The following RAI14 variants were observed in gnomAD, a reference collection of about 807,000 sequenced individuals.
RAI14 encodes ankycorbin.
RAI14 carries 45 observed loss-of-function variants against 115.4 expected under a neutral mutation model. The observed-to-expected ratio is 0.39, with a 90% CI of 0.31 to 0.50. The LOEUF (loss-of-function observed/expected upper bound fraction) is 0.50. RAI14 is among the 20% of genes least tolerant of loss of function. The pLI is 0.85. For missense variants in RAI14, 939 were observed against 1,131.2 expected (o/e 0.83, Z 2.44); for synonymous variants, 371 against 415.4 (o/e 0.89, Z 1.30).
intron 3 of RAI14, among the ~76,000 whole-genome samples, chr5:34,763,946 G>T (rs901765625): frequency 6.6e-6 from 1 of 152,076 alleles, no homozygotes; most frequent in African/African-American, 2.4e-5. Context: ...CTGCTTCCTG[G>T]GTTCAAACTG....
intron 2 of RAI14, among the ~76,000 whole-genome samples, chr5:34,754,529 C>CGGGG (rs1561315315): frequency 7.8e-4 from 113 of 145,556 alleles, no homozygotes; most frequent in Middle Eastern, 3.5e-3. Flanking sequence ...CGCCCAGGCT[C>CGGGG]TTACCTTCCC....
chr5:34,824,903 C>T (rs1052297135), intron 15 of RAI14, among the ~76,000 whole-genome samples: 1 of 147,226 alleles, frequency 6.8e-6, no homozygotes, highest in Non-Finnish European at 1.5e-5. Context: ...AAGATCAGGC[C>T]ACTGCACTCC....
chr5:34,683,447 A>G (rs909885685), intron 1 of RAI14, among the ~76,000 whole-genome samples: 1 of 151,678 alleles, frequency 6.6e-6, no homozygotes. Context: ...AAAAAAAAAG[A>G]AAAGCCAAAG....
At position 34,716,152 on chromosome 5, in the gene RAI14, C is replaced by T. The variant is rs547398168; in HGVS notation, c.36+29197C>T. The T allele has an allele frequency of 8.4e-5, 35 of 416,714 alleles. No homozygotes were observed. In the East Asian group the frequency reaches 1.0e-3, roughly 12 times the overall value. 25.8% of individuals were successfully genotyped at this position (416,714 alleles called of 1,614,324 possible). On this transcript the variant is annotated intron_variant, in intron 2 of 17. Transcript: ENST00000265109. ...AAGACAAGGCAAATAGGCAAATATT[C>T]GGTATTATAAAAAATGCACAGATTT...
intron 2 of RAI14, among the ~76,000 whole-genome samples, chr5:34,756,552 G>A (rs527379320): frequency 2.0e-5 from 3 of 152,192 alleles, no homozygotes; most frequent in Admixed American, 1.3e-4. Context: ...CCTCTGATAT[G>A]CTCAACATCT....
intron 2 of RAI14, among the ~76,000 whole-genome samples, chr5:34,756,478 T>C (rs889483581): frequency 2.6e-5 from 4 of 152,214 alleles, no homozygotes; most frequent in Non-Finnish European, 5.9e-5. Context: ...GAAAGTGGGC[T>C]TAGCTCAGGG....
rs1375198032 is a variant in RAI14 at position 34,823,488 on chromosome 5, A to G, written c.1646A>G (p.Asn549Ser). The G allele has an allele frequency of 6.2e-7, 1 of 1,614,194 alleles. No homozygotes were observed. The highest frequency in any genetic ancestry group is 8.5e-7 in the Non-Finnish European group (1 of 1,180,030). ...AATGCATTAGAAGAAAGTGAAAGAAATAAAGAGAAAGTGAGAGAGTTAGAG... is the reference window on the plus strand; with the variant it reads ...AATGCATTAGAAGAAAGTGAAAGAAGTAAAGAGAAAGTGAGAGAGTTAGAG... ...LQNALEESER[N>S]KEKVRELEEK... The change falls in exon 15 of 18, where the codon AAT (asparagine) becomes AGT (serine). Residue 549 changes from asparagine to serine, a missense_variant. Asn to Ser is a conservative substitution (Grantham distance 46). Coordinates refer to ENST00000265109, the MANE Select transcript of RAI14 (RefSeq NM_015577.3). The surrounding 1 kb of genome is among the most constrained non-coding windows in gnomAD (Gnocchi z 4.5).
chr5:34,814,462 C>A, intron 11 of RAI14, 121 bp from the exon 12 acceptor site: 1 of 683,398 alleles, frequency 1.5e-6, no homozygotes, highest in Admixed American at 2.6e-5. Flanking sequence ...TTAATTGATG[C>A]CAAGGATACT....
At chr5:34,662,421 G>GACAAA (rs769205527) in intron 1 of RAI14, among the ~76,000 whole-genome samples, 16 of 152,254 alleles carry the variant, frequency 1.1e-4, no homozygotes, top group East Asian at 5.8e-4. Flanking sequence ...TATAGGAGTT[G>GACAAA]ACAAAACAAA....
chr5:34,811,054 A>T lies in RAI14; in HGVS notation c.493A>T (p.Ser165Cys). The change falls in exon 8 of 18, where the codon AGT becomes TGT. Residue 165 changes from serine (S) to cysteine (C), a missense_variant. By Grantham distance (112) the Ser-to-Cys change is moderately radical. Transcript: ENST00000265109. The part of the protein sequence containing the change: ...PLLLAVQNGH[S>C]EICHFLLDHG... ...GCTTCTTGCTGTACAAAATGGTCAC[A>T]GTGAGATCTGTCACTTTCTCCTGGA... is the stretch of plus-strand genomic sequence containing the variant. The T allele has an allele frequency of 6.2e-7, 1 of 1,614,148 alleles. No homozygotes were observed. The highest frequency in any genetic ancestry group is 8.5e-7 in the Non-Finnish European group (1 of 1,180,004).
intron 2 of RAI14, among the ~76,000 whole-genome samples, chr5:34,722,400 A>G (rs1465503004): frequency 6.6e-6 from 1 of 151,902 alleles, no homozygotes; most frequent in African/African-American, 2.4e-5. Context: ...CCCAGGAGAC[A>G]TCAGCCTGCT....
At chr5:34,736,753 T>C (rs1050939730) in intron 2 of RAI14, among the ~76,000 whole-genome samples, 1 of 152,044 alleles carries the variant, frequency 6.6e-6, no homozygotes, top group Non-Finnish European at 1.5e-5. Flanking sequence ...AACACCAGAG[T>C]TCTTTAGGGT....
At chr5:34,728,585 C>G (rs1042052671) in intron 2 of RAI14, 13 of 152,198 alleles carry the variant, frequency 8.5e-5, no homozygotes, top group African/African-American at 3.1e-4. Flanking sequence ...TCTTTGCCTG[C>G]TACCATGTGA....
chr5:34,822,664 C>CTTTTTCTTTTTTTT (rs1756991248), intron 14 of RAI14, among the ~76,000 whole-genome samples: 1 of 47,534 alleles, frequency 2.1e-5, no homozygotes, highest in African/African-American at 6.6e-5. Flanking sequence ...CCTTTGGTAT[C>CTTTTTCTTTTTTTT]TTTTTTTTTT....
At chr5:34,805,801 A>G (rs1190333491) in intron 5 of RAI14, among the ~76,000 whole-genome samples, 3 of 152,318 alleles carry the variant, frequency 2.0e-5, no homozygotes, top group Admixed American at 6.5e-5. Context: ...AGATTTCGCC[A>G]CTACACTTCA....
chr5:34,829,844 G>C, intron 17 of RAI14, 47 bp downstream of exon 17: 1 of 1,446,712 alleles, frequency 6.9e-7, no homozygotes, highest in South Asian at 1.2e-5. Flanking sequence ...AAGAAATACG[G>C]CAGCAGATGT....
At chr5:34,665,783 A>G (rs1328492683) in intron 1 of RAI14, among the ~76,000 whole-genome samples, 2 of 152,256 alleles carry the variant, frequency 1.3e-5, no homozygotes, top group South Asian at 2.1e-4. Context: ...TGAGAATACA[A>G]TTACAAGGGC....
chr5:34,718,492 A>G (rs1195102090), intron 2 of RAI14, among the ~76,000 whole-genome samples: 6 of 152,228 alleles, frequency 3.9e-5, no homozygotes. Context: ...GGAACTTACT[A>G]TATTTGAAAA....
intron 2 of RAI14, among the ~76,000 whole-genome samples, chr5:34,723,539 A>G (rs772587310): frequency 4.6e-5 from 7 of 152,230 alleles, no homozygotes; most frequent in African/African-American, 1.4e-4. Flanking sequence ...TAAAAAGTAC[A>G]TTCACAGCAA....
Sources: allele counts gnomAD v4.1 joint callset (sites outside exome capture counted in the v4.1 genomes callset), GRCh38; gene constraint gnomAD v4.1.1; non-coding constraint Gnocchi (gnomAD v3.1); transcripts MANE v1.5; gene names NCBI Gene and HGNC (gene_info 2026-07-23, HGNC 2026-07-21).